Variants in KCNJ1 observed in about 807,000 individuals in gnomAD.
KCNJ1 encodes the protein ATP-sensitive inward rectifier potassium channel 1.
Under a neutral mutation model 21.9 loss-of-function variants are expected in KCNJ1, and 24 were observed. The ratio of observed to expected loss-of-function variants is 1.10; its 90% CI spans 0.79 to 1.54. The LOEUF (loss-of-function observed/expected upper bound fraction) is 1.54, where lower values mean the gene tolerates loss of function less well. Ranked by LOEUF, KCNJ1 falls within the 40% of genes most tolerant of loss-of-function variation. The probability of loss-of-function intolerance (pLI) is 0.00; values close to 1 mark genes in which losing one functional copy is unlikely to be tolerated. For synonymous variants in KCNJ1, 152 were observed against 160.9 expected, an observed-to-expected ratio of 0.94 and a Z score of 0.42; for missense variants, 457 against 455.4, an observed-to-expected ratio of 1.00 and a Z score of -0.03.
intron 1 of KCNJ1, among the ~76,000 whole-genome samples, chr11:128,856,856 G>A (rs1318430425): frequency 1.3e-5 from 2 of 151,964 alleles, no homozygotes; most frequent in Admixed American, 1.3e-4. Flanking sequence ...CCTTGGTTGG[G>A]CTACAAAACT....
intron 1 of KCNJ1, among the ~76,000 whole-genome samples, chr11:128,853,900 T>G (rs2135953299): frequency 6.6e-6 from 1 of 152,354 alleles, no homozygotes; most frequent in Non-Finnish European, 1.5e-5. Context: ...AGTATTATTC[T>G]GCTCACCCTC....
chr11:128,839,436 G>T lies in KCNJ1; in HGVS notation c.808C>A (p.Gln270Lys). Residue 270 changes from glutamine (Q) to lysine (K), a missense_variant, in exon 3 of 3, where the codon CAG becomes AAG. Transcript: ENST00000392666. ...AAAAACACCACTAATTCAAAGTCCT[G>T]CTGGAGAAGGGTCTCCGCTGCCATG... ...FHMAAETLLQQDFELVVFLDG... is the reference protein window; with the variant it reads ...FHMAAETLLQKDFELVVFLDG... 1.9e-6 allele frequency: 3 copies of T among 1,614,164 alleles called. No individual in the cohort carries two copies. The highest frequency in any genetic ancestry group is 2.5e-6 in the Non-Finnish European group (3 of 1,180,034).
intron 1 of KCNJ1, among the ~76,000 whole-genome samples, chr11:128,863,885 G>T (rs1457738462): frequency 6.6e-6 from 1 of 151,802 alleles, no homozygotes; most frequent in Non-Finnish European, 1.5e-5. Context: ...TCTTTTTTCC[G>T]TTTGCTCACA....
Position 128,839,369 on chromosome 11 carries a change from C to T in KCNJ1, c.875G>A (p.Arg292Gln), listed in dbSNP as rs373198476. The T allele has an allele frequency of 2.0e-5, 32 of 1,614,138 alleles. No individual in the cohort carries two copies. The Admixed American group carries it at 3.2e-4, about 16-fold the overall frequency. Residue 292 changes from arginine to glutamine, a missense_variant, in exon 3 of 3, where the codon CGG becomes CAG. Coordinates refer to ENST00000392666, the MANE Select transcript of KCNJ1 (RefSeq NM_153766.3). ...CACCTCCTCTGGGACATAGGATGTC[C>T]GGACTTGGCAGGTAGCACTGGTGGA... ...VESTSATCQV[R>Q]TSYVPEEVLW...
At position 128,839,288 on chromosome 11, in the gene KCNJ1, C is replaced by T. The variant is rs756307352; in HGVS notation, c.956G>A (p.Arg319Gln). 97 of 1,614,018 alleles carry T rather than the reference C, an allele frequency of 6.0e-5. No individual in the cohort carries two copies. Among genetic ancestry groups the T allele is most frequent in the Admixed American group, 8.3e-5 (5 of 59,992 alleles). ...CTTGCTAAAGTTATGGAAATCCACT[C>T]GGTATTTCCCTTCCTTTGTCTTGGA... The part of the protein sequence containing the change: ...IVSKTKEGKY[R>Q]VDFHNFSKTV... Residue 319 changes from arginine (R) to glutamine (Q), a missense_variant, in exon 3 of 3, where the codon CGA becomes CAA. Coordinates refer to ENST00000392666, the MANE Select transcript of KCNJ1 (RefSeq NM_153766.3).
intron 1 of KCNJ1, among the ~76,000 whole-genome samples, chr11:128,864,206 C>T (rs748703145): frequency 2.6e-5 from 4 of 151,188 alleles, no homozygotes; most frequent in Non-Finnish European, 5.9e-5. Context: ...CATGCCTCAG[C>T]CCCCTGAGAA....
At chr11:128,854,726 A>G (rs191645782) in intron 1 of KCNJ1, among the ~76,000 whole-genome samples, 7 of 152,306 alleles carry the variant, frequency 4.6e-5, no homozygotes, top group African/African-American at 1.7e-4. Context: ...CACTATCAAG[A>G]GCTACAAAGA....
In KCNJ1 at chr11:128,840,033, C is replaced by A; in HGVS notation, c.211G>T (p.Gly71Trp). 1.2e-6 allele frequency: 2 copies of A among 1,614,130 alleles called. No individual in the cohort carries two copies. Among genetic ancestry groups the A allele is most frequent in the Non-Finnish European group, 1.7e-6 (2 of 1,180,008 alleles). The change falls in exon 3 of 3, where the codon GGG becomes TGG. Residue 71 changes from glycine to tryptophan, a missense_variant. By Grantham distance (184) the Gly-to-Trp change is radical (BLOSUM62 -2). Coordinates refer to ENST00000392666, the MANE Select transcript of KCNJ1 (RefSeq NM_153766.3). ...KMTIFITAFL[G>W]SWFFFGLLWY... ...AGGAGACCAAAGAAAAACCAACTCC[C>A]CAAGAAGGCTGTGATGAAAATGGTC...
chr11:128,847,446 T>TA (rs1197168783), intron 2 of KCNJ1, among the ~76,000 whole-genome samples: 2 of 152,244 alleles, frequency 1.3e-5, no homozygotes, highest in Admixed American at 6.5e-5. Context: ...CCACAAGTCT[T>TA]ACATGCCTAT....
At chr11:128,847,223 C>T (rs1943397642) in intron 2 of KCNJ1, among the ~76,000 whole-genome samples, 2 of 152,230 alleles carry the variant, frequency 1.3e-5, no homozygotes, top group Admixed American at 1.3e-4. Context: ...CTTTCCAAAA[C>T]CCTCTCAGTG....
chr11:128,840,344 A>C (rs969294820), intron 2 of KCNJ1, 80 bp from the exon 3 acceptor site: 1 of 1,343,792 alleles, frequency 7.4e-7, no homozygotes, highest in Non-Finnish European at 1.1e-6. Context: ...GAAAGACCTA[A>C]CTACGAAAAG....
In KCNJ1 at chr11:128,839,120, C is replaced by T. The variant is rs387907437; in HGVS notation, c.*5G>A. 6.2e-7 allele frequency: 1 copy of T among 1,612,738 alleles called. No individual in the cohort carries two copies. Among genetic ancestry groups the T allele is most frequent in the African/African-American group, 1.3e-5 (1 of 75,000 alleles). On this transcript the variant is annotated 3_prime_UTR_variant, in exon 3 of 3. Transcript: ENST00000392666. ...CTTTGCTTTACTCCCGTTGAAAAGC[C>T]ACTGTTACATTTTGGTGTCATCTGT...
intron 1 of KCNJ1, among the ~76,000 whole-genome samples, chr11:128,853,211 T>C (rs1385718923): frequency 6.6e-6 from 1 of 152,190 alleles, no homozygotes; most frequent in African/African-American, 2.4e-5. Context: ...GTAAAATGAG[T>C]ATGTGAATAG....
At chr11:128,841,819 TA>T (rs1943286853) in intron 2 of KCNJ1, among the ~76,000 whole-genome samples, 2 of 151,934 alleles carry the variant, frequency 1.3e-5, no homozygotes, top group African/African-American at 4.8e-5. Flanking sequence ...TCTAAAGACA[TA>T]AAAAAAGAAA....
intron 2 of KCNJ1, chr11:128,842,303 G>A: frequency 1.4e-6 from 2 of 1,472,814 alleles, no homozygotes; most frequent in Admixed American, 1.7e-5. Flanking sequence ...GAATAACGTT[G>A]AGTTTCCATG....
chr11:128,861,233 C>A (rs571359488), intron 1 of KCNJ1, among the ~76,000 whole-genome samples: 1 of 152,248 alleles, frequency 6.6e-6, no homozygotes, highest in Non-Finnish European at 1.5e-5. Flanking sequence ...GTGCCGCCAG[C>A]TTCCGCCCGA....
chr11:128,865,012 C>A (rs75528940), intron 1 of KCNJ1, among the ~76,000 whole-genome samples: 3,644 of 152,148 alleles, frequency 0.024, 127 homozygotes, highest in African/African-American at 0.081. Flanking sequence ...ATCGTGGCAC[C>A]CTGCAGCTTC....
At chr11:128,851,984 T>A (rs1591413976) in intron 1 of KCNJ1, among the ~76,000 whole-genome samples, 1 of 152,312 alleles carries the variant, frequency 6.6e-6, no homozygotes, top group African/African-American at 2.4e-5. Flanking sequence ...GTGTTTGAAG[T>A]TTCTCTGTCC....
At chr11:128,845,106 T>A (rs1943356072) in intron 2 of KCNJ1, among the ~76,000 whole-genome samples, 1 of 152,250 alleles carries the variant, frequency 6.6e-6, no homozygotes, top group Non-Finnish European at 1.5e-5. Context: ...TCTTGAGGAT[T>A]TTCCATTGCA....
Sources: allele counts gnomAD v4.1 joint callset (sites outside exome capture counted in the v4.1 genomes callset), GRCh38; gene constraint gnomAD v4.1.1; transcripts MANE v1.5; gene names NCBI Gene and HGNC (gene_info 2026-07-23, HGNC 2026-07-21).